Variants in MYBL1 observed in about 807,000 individuals in gnomAD.
MYBL1 encodes myb-related protein A.
Under a neutral mutation model 96.3 loss-of-function variants are expected in MYBL1, and 17 were observed. The observed-to-expected ratio is 0.18, with a 90% CI of 0.12 to 0.26. MYBL1 has a LOEUF of 0.26. Among genes scored for constraint, MYBL1 ranks in the 10% least tolerant of loss-of-function variants. The pLI, the probability that MYBL1 is intolerant of heterozygous loss-of-function variation, is 1.00. For synonymous variants in MYBL1, 282 were observed against 292.7 expected (o/e 0.96, Z 0.37); for missense variants, 701 against 882.9 (o/e 0.79, Z 2.61).
chr8:66,608,441 A>G (rs1047282409), intron 1 of MYBL1, among the ~76,000 whole-genome samples: 5 of 152,138 alleles, frequency 3.3e-5, no homozygotes, highest in Admixed American at 2.0e-4. Flanking sequence ...TTATCTCTAC[A>G]TATATATGAG....
chr8:66,608,130 AG>A (rs771863158), intron 1 of MYBL1, among the ~76,000 whole-genome samples: 22 of 152,220 alleles, frequency 1.4e-4, no homozygotes, highest in Non-Finnish European at 2.5e-4. Flanking sequence ...TTGGTCAAAA[AG>A]CTGAGTTTTC....
chr8:66,593,962 C>A (rs757164131), intron 6 of MYBL1, among the ~76,000 whole-genome samples: 19 of 151,826 alleles, frequency 1.3e-4, no homozygotes, highest in Non-Finnish European at 2.8e-4. Context: ...ATGGCAAGAC[C>A]CTGTTTTTAC....
chr8:66,598,584 T>C (rs1809942454), intron 4 of MYBL1, among the ~76,000 whole-genome samples: 1 of 152,166 alleles, frequency 6.6e-6, no homozygotes, highest in East Asian at 1.9e-4. Flanking sequence ...GGTTTTTAAA[T>C]CACAAAACCT....
chr8:66,572,706 G>C, intron 11 of MYBL1, 110 bp from the exon 12 acceptor site: 3 of 457,492 alleles, frequency 6.6e-6, no homozygotes, highest in Non-Finnish European at 7.7e-6. Flanking sequence ...ATATATATAT[G>C]CTTCATTTAA....
chr8:66,595,125 T>A (rs1191472558), intron 6 of MYBL1, among the ~76,000 whole-genome samples: 1 of 152,166 alleles, frequency 6.6e-6, no homozygotes, highest in Non-Finnish European at 1.5e-5. Context: ...TGATTAGTTA[T>A]TAGGGGGAAA....
At chr8:66,581,877 A>G (rs767443312) in intron 8 of MYBL1, among the ~76,000 whole-genome samples, 1 of 152,180 alleles carries the variant, frequency 6.6e-6, no homozygotes, top group Non-Finnish European at 1.5e-5. Context: ...AGGGAGAAAT[A>G]AAGTCTTTCC....
chr8:66,580,395 A>G (rs1416100382), intron 8 of MYBL1, 29 bp from the exon 9 acceptor site: 2 of 1,435,432 alleles, frequency 1.4e-6, no homozygotes, highest in African/African-American at 2.8e-5. Flanking sequence ...TTTGAATATT[A>G]TTTGTCATTC....
At chr8:66,600,263 C>A (rs1454902023) in intron 3 of MYBL1, among the ~76,000 whole-genome samples, 1 of 152,156 alleles carries the variant, frequency 6.6e-6, no homozygotes, top group Middle Eastern at 3.2e-3. Context: ...AGTTCATAAG[C>A]AAGATTACAG....
intron 3 of MYBL1, 142 bp from the exon 4 acceptor site, chr8:66,599,284 T>C (rs1809973241): frequency 3.9e-6 from 2 of 512,658 alleles, no homozygotes; most frequent in African/African-American, 2.0e-5. Context: ...AACATTTATG[T>C]TACATATCTC....
chr8:66,585,538 C>T (rs1156818181), intron 8 of MYBL1, among the ~76,000 whole-genome samples: 1 of 152,022 alleles, frequency 6.6e-6, no homozygotes, highest in Non-Finnish European at 1.5e-5. Flanking sequence ...GTCAGGAGTT[C>T]GAGACCAGCC....
rs529020525 is a variant in MYBL1 at position 66,566,856 on chromosome 8, C to A, written c.1845+20G>T. The A allele has an allele frequency of 1.3e-6, 2 of 1,593,928 alleles. No homozygotes were observed. The highest frequency in any genetic ancestry group is 1.7e-6 in the Non-Finnish European group (2 of 1,163,070). On this transcript the variant is annotated intron_variant, in intron 13 of 15. Transcript: ENST00000522677. Reference sequence around the variant, plus strand: ...TTGGATACAATAAGACTTTTATTAACAATAATACTAGAAGATTACCTCTTG... The same window carrying A: ...TTGGATACAATAAGACTTTTATTAAAAATAATACTAGAAGATTACCTCTTG...
At chr8:66,565,101 C>A (rs1808453398) in intron 15 of MYBL1, 2 of 180,162 alleles carry the variant, frequency 1.1e-5, no homozygotes, top group Admixed American at 6.2e-5. Flanking sequence ...CCCAATAATT[C>A]CCCCCAAATC....
intron 15 of MYBL1, chr8:66,565,364 C>T (rs1213497195): frequency 6.6e-6 from 1 of 152,146 alleles, no homozygotes; most frequent in Non-Finnish European, 1.5e-5. Context: ...GCCAGGAACT[C>T]AAATCATTTT....
intron 12 of MYBL1, among the ~76,000 whole-genome samples, chr8:66,572,080 G>A (rs549620944): frequency 1.9e-4 from 29 of 151,704 alleles, no homozygotes; most frequent in East Asian, 1.2e-3. Context: ...AGGCCGAGGT[G>A]GGGGGGAGGG....
intron 12 of MYBL1, among the ~76,000 whole-genome samples, chr8:66,572,082 G>C (rs1280187327): frequency 2.6e-5 from 4 of 151,822 alleles, no homozygotes; most frequent in African/African-American, 7.2e-5. Context: ...GCCGAGGTGG[G>C]GGGGAGGGGG....
intron 8 of MYBL1, among the ~76,000 whole-genome samples, chr8:66,589,261 T>C (rs1157994596): frequency 1.3e-5 from 2 of 152,016 alleles, no homozygotes; most frequent in African/African-American, 2.4e-5. Context: ...TCCAAAATGG[T>C]TTAAACATGA....
Position 66,597,397 on chromosome 8 carries a change from T to A in MYBL1, c.445A>T (p.Ile149Phe). 1 of 1,612,886 alleles carries A rather than the reference T, an allele frequency of 6.2e-7. No homozygotes were observed. Among genetic ancestry groups the A allele is most frequent in the Non-Finnish European group, 8.5e-7 (1 of 1,179,386 alleles). ...KSSWTEEEDR[I>F]IYEAHKRLGN... ...AACCGCTTATGTGCTTCATAGATGA[T>A]CCTGTCCTCCTCTTCTGTCCAGGAA... Residue 149 changes from isoleucine (I) to phenylalanine (F), a missense_variant, in exon 5 of 16, where the codon ATC (isoleucine) becomes TTC (phenylalanine). Coordinates refer to ENST00000522677, the MANE Select transcript of MYBL1 (RefSeq NM_001080416.4).
intron 12 of MYBL1, among the ~76,000 whole-genome samples, chr8:66,567,867 T>G (rs1808568569): frequency 6.6e-6 from 1 of 151,772 alleles, no homozygotes; most frequent in African/African-American, 2.4e-5. Context: ...ATCATGATCA[T>G]CCTGGCCAAC....
At chr8:66,609,882 G>A (rs749690350) in intron 1 of MYBL1, among the ~76,000 whole-genome samples, 1 of 151,882 alleles carries the variant, frequency 6.6e-6, no homozygotes, top group Non-Finnish European at 1.5e-5. Context: ...TGACAAAACC[G>A]ATTAAAAGAT....
Sources: gnomAD v4.1 joint callset for allele counts (sites outside exome capture counted in the v4.1 genomes callset) on GRCh38, gnomAD v4.1.1 for gene constraint, MANE v1.5 for transcripts, NCBI Gene and HGNC (gene_info 2026-07-23, HGNC 2026-07-21) for gene names.